The following EYS variants were observed in gnomAD, a reference collection of about 807,000 sequenced individuals.
The protein encoded by EYS is EGF-like photoreceptor maintenance factor, also known as protein eyes shut homolog.
In EYS, 250 loss-of-function variants were observed where a neutral mutation model predicts 282.1. That is an observed-to-expected ratio of 0.89 (90% CI 0.80 to 0.98). EYS has a LOEUF of 0.98. Ranked by LOEUF, EYS falls within the 50% of genes least tolerant of loss-of-function variation. EYS has a pLI of 0.00. For missense variants in EYS, 4,016 were observed against 3,709.0 expected (o/e 1.08, Z -2.15); for synonymous variants, 1,355 against 1,282.9 (o/e 1.06, Z -1.20).
intron 40 of EYS, among the ~76,000 whole-genome samples, chr6:63,769,022 A>G (rs1262604600): frequency 1.3e-5 from 2 of 152,290 alleles, no homozygotes; most frequent in East Asian, 1.9e-4. Flanking sequence ...CTGAACAATG[A>G]GTACATATGG....
chr6:65,658,914 C>CTT (rs75563797), intron 1 of EYS, among the ~76,000 whole-genome samples: 4 of 150,810 alleles, frequency 2.7e-5, no homozygotes, highest in South Asian at 4.2e-4. Context: ...ATCTTTAAAC[C>CTT]TTTTTTTTCT....
intron 26 of EYS, among the ~76,000 whole-genome samples, chr6:64,516,522 C>A (rs1777564399): frequency 6.6e-6 from 1 of 151,756 alleles, no homozygotes; most frequent in Non-Finnish European, 1.5e-5. Context: ...TACCTACAAA[C>A]AGAACTGTGT....
chr6:65,408,239 G>A (rs1766838527), intron 5 of EYS, among the ~76,000 whole-genome samples: 1 of 152,016 alleles, frequency 6.6e-6, no homozygotes, highest in African/African-American at 2.4e-5. Context: ...AAGTGATATT[G>A]GTCTTTAGTT....
chr6:65,006,354 C>T (rs1056877300), intron 13 of EYS, among the ~76,000 whole-genome samples: 8 of 151,994 alleles, frequency 5.3e-5, no homozygotes, highest in African/African-American at 1.7e-4. Context: ...TAAATAAGGG[C>T]TTAGCAAATC....
chr6:63,932,427 C>G (rs1307541103), intron 35 of EYS, among the ~76,000 whole-genome samples: 2 of 152,138 alleles, frequency 1.3e-5, no homozygotes, highest in Non-Finnish European at 2.9e-5. Flanking sequence ...TAAATGAATT[C>G]TCTTTTCTTT....
intron 31 of EYS, among the ~76,000 whole-genome samples, chr6:64,099,959 A>G (rs1582268882): frequency 6.6e-6 from 1 of 152,128 alleles, no homozygotes; most frequent in East Asian, 1.9e-4. Context: ...TGAGACTGTA[A>G]TTCTGAAACA....
intron 16 of EYS, among the ~76,000 whole-genome samples, chr6:64,911,327 T>G (rs1229095217): frequency 6.6e-6 from 1 of 152,136 alleles, no homozygotes; most frequent in Non-Finnish European, 1.5e-5. Context: ...ATAAAGCCCA[T>G]GCTATTTTTG....
chr6:64,686,811 A>ATATATATCTGTGTG (rs1562133883), intron 22 of EYS, among the ~76,000 whole-genome samples: 1 of 31,996 alleles, frequency 3.1e-5, no homozygotes, highest in African/African-American at 9.2e-5. Context: ...ATATGTGTGT[A>ATATATATCTGTGTG]TATATATATG....
At chr6:64,526,793 T>C (rs527661470) in intron 26 of EYS, among the ~76,000 whole-genome samples, 1 of 151,938 alleles carries the variant, frequency 6.6e-6, no homozygotes, top group Admixed American at 6.6e-5. Flanking sequence ...TAATCAAGTA[T>C]TTAATGGCCT....
At chr6:65,644,947 C>A (rs1370920206) in intron 1 of EYS, among the ~76,000 whole-genome samples, 1 of 152,132 alleles carries the variant, frequency 6.6e-6, no homozygotes, top group Non-Finnish European at 1.5e-5. Flanking sequence ...CAAAATAGAA[C>A]CTCCTTAAAG....
chr6:63,892,587 A>C (rs759367149), intron 35 of EYS, among the ~76,000 whole-genome samples: 16 of 152,124 alleles, frequency 1.1e-4, no homozygotes, highest in Non-Finnish European at 1.8e-4. Flanking sequence ...ACTCAAAATG[A>C]ATTAAACATT....
chr6:64,441,026 T>C (rs973261818), intron 26 of EYS, among the ~76,000 whole-genome samples: 4 of 152,146 alleles, frequency 2.6e-5, no homozygotes, highest in Non-Finnish European at 2.9e-5. Context: ...AAATTTACGA[T>C]GACGCTTGGG....
At chr6:65,259,765 G>A (rs887617607) in intron 12 of EYS, among the ~76,000 whole-genome samples, 1 of 151,956 alleles carries the variant, frequency 6.6e-6, no homozygotes, top group Admixed American at 6.6e-5. Flanking sequence ...ATACTAGTGG[G>A]AATGTACTCC....
chr6:64,131,130 G>A (rs1413416630), intron 31 of EYS, among the ~76,000 whole-genome samples: 1 of 152,084 alleles, frequency 6.6e-6, no homozygotes, highest in African/African-American at 2.4e-5. Context: ...GCCTCCCAAA[G>A]TGCTGGGATT....
intron 2 of EYS, among the ~76,000 whole-genome samples, chr6:65,534,600 G>A (rs75603885): frequency 0.038 from 5,740 of 152,050 alleles, 281 homozygotes; most frequent in African/African-American, 0.11. Flanking sequence ...TAATTTTTGC[G>A]TCTGCTTGCA....
At chr6:65,101,873 T>A (rs1774902882) in intron 12 of EYS, among the ~76,000 whole-genome samples, 1 of 151,286 alleles carries the variant, frequency 6.6e-6, no homozygotes, top group African/African-American at 2.4e-5. Flanking sequence ...CTATTAGCAT[T>A]AGTGCTCGCT....
At chr6:65,360,479 C>T (rs1396738723) in intron 8 of EYS, among the ~76,000 whole-genome samples, 1 of 151,966 alleles carries the variant, frequency 6.6e-6, no homozygotes, top group Non-Finnish European at 1.5e-5. Context: ...CAAAGCTGGC[C>T]TATTTTGGCT....
chr6:65,106,082 T>TA (rs1554152825), intron 12 of EYS, among the ~76,000 whole-genome samples: 1 of 151,934 alleles, frequency 6.6e-6, no homozygotes, highest in Non-Finnish European at 1.5e-5. Flanking sequence ...TGGGGCTACT[T>TA]ACTCAGTAAA....
chr6:65,652,338 G>A (rs1389771047), intron 1 of EYS, among the ~76,000 whole-genome samples: 1 of 151,968 alleles, frequency 6.6e-6, no homozygotes. Flanking sequence ...GTTTTGAAAA[G>A]TAGAAGAAAC....
Sources: gnomAD v4.1 joint callset for allele counts (sites outside exome capture counted in the v4.1 genomes callset) on GRCh38, gnomAD v4.1.1 for gene constraint, MANE v1.5 for transcripts, NCBI Gene and HGNC (gene_info 2026-07-23, HGNC 2026-07-21) for gene names.